Variants in SDK1 observed in about 807,000 individuals in gnomAD.
SDK1 encodes sidekick cell adhesion molecule 1.
A neutral mutation model predicts 245.5 loss-of-function variants in SDK1; 157 were observed. That is an observed-to-expected ratio of 0.64 (90% CI 0.56 to 0.73). The LOEUF (loss-of-function observed/expected upper bound fraction) is 0.73. Among genes scored for constraint, SDK1 ranks in the 30% least tolerant of loss-of-function variants. The pLI is 0.00. For synonymous variants in SDK1, 1,647 were observed against 1,278.5 expected, an observed-to-expected ratio of 1.29 and a Z score of -6.15; for missense variants, 3,583 against 3,002.3, an observed-to-expected ratio of 1.19 and a Z score of -4.52.
At chr7:3,479,347 G>A (rs763238393) in intron 1 of SDK1, among the ~76,000 whole-genome samples, 13 of 149,750 alleles carry the variant, frequency 8.7e-5, no homozygotes, top group East Asian at 7.9e-4. Flanking sequence ...GATTGAACCC[G>A]GGAGGTAGAG....
intron 4 of SDK1, among the ~76,000 whole-genome samples, chr7:3,728,378 A>T (rs1487031576): frequency 6.6e-6 from 1 of 152,224 alleles, no homozygotes; most frequent in Non-Finnish European, 1.5e-5. Flanking sequence ...ATAATTTCAA[A>T]TAGCCCAGTT....
chr7:3,740,452 C>T (rs1255279062), intron 4 of SDK1, among the ~76,000 whole-genome samples: 2 of 152,146 alleles, frequency 1.3e-5, no homozygotes, highest in African/African-American at 4.8e-5. Context: ...GCATGTGTCA[C>T]AGATTGTTTG....
At chr7:4,257,640 C>T (rs1787713220) in intron 44 of SDK1, among the ~76,000 whole-genome samples, 1 of 152,178 alleles carries the variant, frequency 6.6e-6, no homozygotes, top group African/African-American at 2.4e-5. Context: ...ATTCTCACTT[C>T]TCCTCCCTAA....
chr7:3,734,124 A>G (rs1305728313), intron 4 of SDK1, among the ~76,000 whole-genome samples: 3 of 152,172 alleles, frequency 2.0e-5, no homozygotes, highest in Non-Finnish European at 4.4e-5. Flanking sequence ...CATCTTCTTC[A>G]TGGCAGGTAA....
At chr7:3,960,754 A>G (rs1215405171) in intron 8 of SDK1, among the ~76,000 whole-genome samples, 2 of 152,004 alleles carry the variant, frequency 1.3e-5, no homozygotes, top group African/African-American at 4.8e-5. Flanking sequence ...GGGGAGGGGG[A>G]AAAAGTGTGA....
chr7:3,858,100 A>G (rs6967438), intron 5 of SDK1, among the ~76,000 whole-genome samples: 2,822 of 152,354 alleles, frequency 0.019, 93 homozygotes, highest in African/African-American at 0.059. Flanking sequence ...GGTTTAAACC[A>G]TAGTATATTC....
chr7:3,885,080 G>A (rs2128100384), intron 5 of SDK1, among the ~76,000 whole-genome samples: 1 of 151,258 alleles, frequency 6.6e-6, no homozygotes, highest in South Asian at 2.1e-4. Flanking sequence ...CTATGGCTAA[G>A]GGGTCAGGTG....
chr7:4,241,456 G>A (rs957884488), intron 42 of SDK1, among the ~76,000 whole-genome samples: 1 of 152,148 alleles, frequency 6.6e-6, no homozygotes, highest in African/African-American at 2.4e-5. Context: ...GCAACGTAGC[G>A]AGACCCCATC....
At chr7:3,604,812 G>C (rs373492840) in intron 1 of SDK1, among the ~76,000 whole-genome samples, 5 of 151,646 alleles carry the variant, frequency 3.3e-5, no homozygotes, top group African/African-American at 1.2e-4. Flanking sequence ...ATGTTGGTCA[G>C]GCTGGTCTTG....
chr7:3,740,891 G>A (rs1399882919), intron 4 of SDK1, among the ~76,000 whole-genome samples: 1 of 152,086 alleles, frequency 6.6e-6, no homozygotes, highest in African/African-American at 2.4e-5. Context: ...CATTCCTGAG[G>A]TCCTTCTTTT....
chr7:3,903,502 A>G (rs1013977888), intron 5 of SDK1, among the ~76,000 whole-genome samples: 18 of 152,074 alleles, frequency 1.2e-4, no homozygotes, highest in African/African-American at 3.9e-4. Flanking sequence ...GATACATTTT[A>G]ACCCTTATAC....
At chr7:3,412,701 C>T (rs1248942774) in intron 1 of SDK1, among the ~76,000 whole-genome samples, 1 of 152,128 alleles carries the variant, frequency 6.6e-6, no homozygotes, top group Non-Finnish European at 1.5e-5. Flanking sequence ...TGGCCTTCTC[C>T]ATAGGTTGCG....
At chr7:4,003,750 C>A (rs984235941) in intron 14 of SDK1, among the ~76,000 whole-genome samples, 1 of 152,232 alleles carries the variant, frequency 6.6e-6, no homozygotes, top group Non-Finnish European at 1.5e-5. Context: ...CTCAGCAGCA[C>A]CTGTCTTGAG....
At chr7:4,004,663 C>G (rs1785325068) in intron 14 of SDK1, among the ~76,000 whole-genome samples, 1 of 152,200 alleles carries the variant, frequency 6.6e-6, no homozygotes, top group East Asian at 1.9e-4. Context: ...CTGTTCCTCA[C>G]TTTCCTTTTG....
chr7:3,502,230 T>TTTAA (rs917433938), intron 1 of SDK1, among the ~76,000 whole-genome samples: 73 of 151,932 alleles, frequency 4.8e-4, no homozygotes, highest in Non-Finnish European at 8.8e-4. Flanking sequence ...AAGATTTTTT[T>TTTAA]TTAATTAATT....
rs184615861 is a variant in SDK1 at position 4,155,505 on chromosome 7, C to T, written c.4626-2943C>T. Among the ~76,000 whole-genome samples, 52 of 152,296 alleles carry T rather than the reference C, an allele frequency of 3.4e-4. No individual in the cohort carries two copies. In the East Asian group the frequency reaches 7.9e-3, roughly 23 times the overall value. ...AAGGAGCTTGCAGTGTGGCTCCAAA[C>T]CCCCAAATCATAGCAAAGTGTGAAG... On this transcript the variant is annotated intron_variant, in intron 30 of 44. Coordinates refer to ENST00000404826, the MANE Select transcript of SDK1 (RefSeq NM_152744.4).
At chr7:3,346,825 ATATTTTTTT>A (rs1236569301) in intron 1 of SDK1, among the ~76,000 whole-genome samples, 1 of 27,622 alleles carries the variant, frequency 3.6e-5, no homozygotes, top group Non-Finnish European at 6.5e-5. Context: ...ATATATATAT[ATATTTTTTT>A]TTTTTTTTTT....
intron 19 of SDK1, among the ~76,000 whole-genome samples, chr7:4,052,062 CA>C (rs1778890257): frequency 6.6e-6 from 1 of 151,936 alleles, no homozygotes; most frequent in South Asian, 2.1e-4. Context: ...GCTCTGGGGA[CA>C]GGGGGTGGAG....
chr7:3,424,478 C>G lies in SDK1; in HGVS notation c.298+122594C>G, dbSNP rs369428520. Among the ~76,000 whole-genome samples the G allele has an allele frequency of 3.9e-5, 6 of 152,178 alleles. No homozygotes were observed. The South Asian group carries it at 1.0e-3, about 26-fold the overall frequency. ...TTTTCACACTGATAAAAACAGGAGA[C>G]TTTAATATTATTTTGGGAAGAAAAA... On this transcript the variant is annotated intron_variant, in intron 1 of 44. Coordinates refer to ENST00000404826, the MANE Select transcript of SDK1 (RefSeq NM_152744.4).
Sources: gnomAD v4.1 joint callset for allele counts (sites outside exome capture counted in the v4.1 genomes callset) on GRCh38, gnomAD v4.1.1 for gene constraint, MANE v1.5 for transcripts, NCBI Gene and HGNC (gene_info 2026-07-23, HGNC 2026-07-21) for gene names.